The following PDE4D variants were observed in gnomAD, a reference collection of about 807,000 sequenced individuals.
The protein encoded by PDE4D is 3',5'-cyclic-AMP phosphodiesterase 4D.
A neutral mutation model predicts 87.4 loss-of-function variants in PDE4D; 24 were observed. The ratio of observed to expected loss-of-function variants is 0.27; its 90% CI spans 0.20 to 0.39. The LOEUF (loss-of-function observed/expected upper bound fraction) is 0.39. PDE4D is among the 10% of genes least tolerant of loss of function. PDE4D has a pLI of 1.00. For synonymous variants in PDE4D, 384 were observed against 383.2 expected (o/e 1.00, Z -0.02); for missense variants, 714 against 1,041.0 (o/e 0.69, Z 4.32).
intron 1 of PDE4D, chr5:59,528,753 G>C (rs1813617345): frequency 1.1e-5 from 2 of 186,048 alleles, no homozygotes; most frequent in South Asian, 1.1e-4. Context: ...ATGGTATAAT[G>C]GTAGCCAAGT....
intron 1 of PDE4D, among the ~76,000 whole-genome samples, chr5:60,407,642 G>A (rs1425297317): frequency 6.6e-6 from 1 of 151,118 alleles, no homozygotes; most frequent in Non-Finnish European, 1.5e-5. Flanking sequence ...TAGTAGAGAT[G>A]GGGTTTCACC....
chr5:59,272,121 CA>C (rs974198279), intron 1 of PDE4D, among the ~76,000 whole-genome samples: 22 of 151,984 alleles, frequency 1.4e-4, no homozygotes, highest in Non-Finnish European at 2.8e-4. Flanking sequence ...TGAACAGTAG[CA>C]TCTCTTTTAT....
chr5:59,523,885 C>T (rs1257331216), intron 1 of PDE4D, among the ~76,000 whole-genome samples: 1 of 152,190 alleles, frequency 6.6e-6, no homozygotes, highest in African/African-American at 2.4e-5. Context: ...CCCCTCCACT[C>T]TGCACTTCTC....
intron 6 of PDE4D, among the ~76,000 whole-genome samples, chr5:59,011,475 T>A (rs1580275029): frequency 1.3e-5 from 2 of 152,240 alleles, no homozygotes; most frequent in South Asian, 2.1e-4. Context: ...CTGAAAACCA[T>A]GGCATGAGAA....
At chr5:59,181,573 A>ATATATATATATATATATATAT (rs1162609708) in intron 4 of PDE4D, among the ~76,000 whole-genome samples, 8 of 85,174 alleles carry the variant, frequency 9.4e-5, no homozygotes, top group African/African-American at 4.3e-4. Context: ...TATATATATT[A>ATATATATATATATATATATAT]GGTATATAAT....
At chr5:60,114,508 T>C (rs1007091787) in intron 2 of PDE4D, among the ~76,000 whole-genome samples, 2 of 152,088 alleles carry the variant, frequency 1.3e-5, no homozygotes, top group African/African-American at 4.8e-5. Flanking sequence ...TCAGGAAATA[T>C]GTTGTTTCAG....
chr5:60,468,563 T>C (rs7737086), intron 1 of PDE4D, among the ~76,000 whole-genome samples: 20,837 of 152,044 alleles, frequency 0.14, 2,798 homozygotes, highest in African/African-American at 0.34. Flanking sequence ...AATTTTTCCT[T>C]CCTTCATATG....
intron 1 of PDE4D, among the ~76,000 whole-genome samples, chr5:59,509,032 T>C (rs1809798267): frequency 6.6e-6 from 1 of 151,922 alleles, no homozygotes; most frequent in African/African-American, 2.4e-5. Context: ...GCTAAGAATT[T>C]TCCAAAATAA....
At chr5:59,132,595 G>A (rs1012348653) in intron 5 of PDE4D, among the ~76,000 whole-genome samples, 1 of 152,126 alleles carries the variant, frequency 6.6e-6, no homozygotes, top group African/African-American at 2.4e-5. Context: ...TGGGGAGCAT[G>A]CAATTAACGA....
At chr5:59,903,386 G>A (rs371122963) in intron 3 of PDE4D, among the ~76,000 whole-genome samples, 6 of 151,846 alleles carry the variant, frequency 4.0e-5, no homozygotes, top group African/African-American at 1.5e-4. Context: ...TATTATCTCA[G>A]GTTCTTCAAA....
chr5:60,228,272 G>C (rs1745363562), intron 1 of PDE4D, among the ~76,000 whole-genome samples: 1 of 151,932 alleles, frequency 6.6e-6, no homozygotes. Context: ...CTCATAAACT[G>C]TCACCTCTGC....
chr5:60,415,855 A>G (rs893508606), intron 1 of PDE4D, among the ~76,000 whole-genome samples: 9 of 152,236 alleles, frequency 5.9e-5, no homozygotes, highest in Admixed American at 1.3e-4. Flanking sequence ...TGCGGGACCC[A>G]CTGGGTGAAG....
intron 5 of PDE4D, among the ~76,000 whole-genome samples, chr5:59,045,701 T>C (rs1053092540): frequency 6.6e-6 from 1 of 152,148 alleles, no homozygotes; most frequent in Admixed American, 6.5e-5. Flanking sequence ...GTCAGGCATC[T>C]GCAGGTAGGA....
intron 1 of PDE4D, among the ~76,000 whole-genome samples, chr5:60,286,984 T>A (rs954920438): frequency 6.6e-6 from 1 of 152,198 alleles, no homozygotes; most frequent in Non-Finnish European, 1.5e-5. Flanking sequence ...CAGTATTAAC[T>A]ACTGTTGGCC....
intron 1 of PDE4D, among the ~76,000 whole-genome samples, chr5:59,611,760 A>G (rs1159617629): frequency 1.3e-5 from 2 of 152,148 alleles, no homozygotes; most frequent in Non-Finnish European, 2.9e-5. Flanking sequence ...ACTTAAATGA[A>G]GTCCTAGAAT....
At chr5:60,390,201 G>T (rs1762470396) in intron 1 of PDE4D, among the ~76,000 whole-genome samples, 1 of 152,184 alleles carries the variant, frequency 6.6e-6, no homozygotes, top group South Asian at 2.1e-4. Context: ...GGAGCTCTGT[G>T]CAGCCTGCTT....
chr5:59,010,318 G>A (rs1752521890), intron 6 of PDE4D, among the ~76,000 whole-genome samples: 1 of 152,024 alleles, frequency 6.6e-6, no homozygotes, highest in Non-Finnish European at 1.5e-5. Flanking sequence ...CAGAGATTCT[G>A]TCTCCAAAAA....
At chr5:59,640,520 C>T (rs1335494215) in intron 1 of PDE4D, among the ~76,000 whole-genome samples, 1 of 152,176 alleles carries the variant, frequency 6.6e-6, no homozygotes, top group African/African-American at 2.4e-5. Flanking sequence ...TATACAAGTG[C>T]CTTTGTGCTA....
intron 6 of PDE4D, among the ~76,000 whole-genome samples, chr5:59,023,082 G>C (rs1755513730): frequency 6.6e-6 from 1 of 151,848 alleles, no homozygotes; most frequent in Non-Finnish European, 1.5e-5. Context: ...AGCTGAGGCA[G>C]GAGAATTGCT....
Sources: gnomAD v4.1 joint callset for allele counts (sites outside exome capture counted in the v4.1 genomes callset) on GRCh38, gnomAD v4.1.1 for gene constraint, MANE v1.5 for transcripts, NCBI Gene and HGNC (gene_info 2026-07-23, HGNC 2026-07-21) for gene names.